Variants in DENND1B observed in about 807,000 individuals in gnomAD.
DENND1B encodes DENN domain-containing protein 1B.
In DENND1B, 59 loss-of-function variants were observed where a neutral mutation model predicts 90.1. The ratio of observed to expected loss-of-function variants is 0.65; its 90% CI spans 0.53 to 0.81. The LOEUF (loss-of-function observed/expected upper bound fraction) is 0.81, where lower values mean the gene tolerates loss of function less well. Among genes scored for constraint, DENND1B ranks in the 40% least tolerant of loss-of-function variants. DENND1B has a pLI of 0.00. For missense variants in DENND1B, 862 were observed against 912.6 expected (o/e 0.94, Z 0.71); for synonymous variants, 337 against 324.6 (o/e 1.04, Z -0.41).
At chr1:197,665,379 T>TA (rs1038792161) in intron 5 of DENND1B, among the ~76,000 whole-genome samples, 77 of 152,308 alleles carry the variant, frequency 5.1e-4, no homozygotes, top group African/African-American at 1.6e-3. Flanking sequence ...AAAGCAGCTT[T>TA]AAAGCATTAT....
intron 10 of DENND1B, among the ~76,000 whole-genome samples, chr1:197,624,645 C>A (rs1454647560): frequency 6.6e-6 from 1 of 151,872 alleles, no homozygotes; most frequent in Admixed American, 6.6e-5. Flanking sequence ...TCCTCACCAG[C>A]AACGGAACAA....
intron 3 of DENND1B, among the ~76,000 whole-genome samples, chr1:197,707,760 G>A (rs975476716): frequency 6.7e-6 from 1 of 148,894 alleles, no homozygotes; most frequent in South Asian, 2.1e-4. Context: ...CCGGTCTACA[G>A]CTCCCAGCGT....
chr1:197,656,812 A>T (rs1435130105), intron 6 of DENND1B, among the ~76,000 whole-genome samples: 1 of 151,994 alleles, frequency 6.6e-6, no homozygotes, highest in East Asian at 1.9e-4. Flanking sequence ...TCCAAAAAAA[A>T]TTTAAAAAAA....
intron 20 of DENND1B, among the ~76,000 whole-genome samples, chr1:197,535,445 T>C (rs1310304548): frequency 1.3e-5 from 2 of 152,166 alleles, no homozygotes; most frequent in Non-Finnish European, 2.9e-5. Flanking sequence ...GTTTCATTTA[T>C]AAATGAAGCA....
intron 15 of DENND1B, among the ~76,000 whole-genome samples, chr1:197,568,165 C>G (rs1168080745): frequency 1.3e-5 from 2 of 151,854 alleles, no homozygotes; most frequent in Non-Finnish European, 2.9e-5. Flanking sequence ...AGTAATGTAG[C>G]AAGATACACA....
chr1:197,766,997 T>C (rs896324317), intron 2 of DENND1B, among the ~76,000 whole-genome samples: 1 of 152,018 alleles, frequency 6.6e-6, no homozygotes, highest in African/African-American at 2.4e-5. Flanking sequence ...ATTCACTATG[T>C]TGGCCAGGCT....
rs76616053 is a variant in DENND1B at position 197,592,359 on chromosome 1, A to G, written c.1047+2849T>C. Among the ~76,000 whole-genome samples, 1,248 of 152,266 alleles carry G rather than the reference A, an allele frequency of 8.2e-3. 17 individuals are homozygous for G. Among genetic ancestry groups the G allele is most frequent in the African/African-American group, 0.028 (1,157 of 41,556 alleles). ...GAACACTTATCTAAAGGGCCTATCA[A>G]TGCCTGGCATCCAATGGGTGCTCAA... is the stretch of plus-strand genomic sequence containing the variant. On this transcript the variant is annotated intron_variant, in intron 14 of 22. Transcript: ENST00000620048.
At chr1:197,626,818 T>C (rs1678788532) in intron 10 of DENND1B, among the ~76,000 whole-genome samples, 1 of 151,524 alleles carries the variant, frequency 6.6e-6, no homozygotes, top group Non-Finnish European at 1.5e-5. Context: ...AAGAATCAAA[T>C]AGATGGAAAA....
chr1:197,538,150 T>C (rs960792782), intron 20 of DENND1B, among the ~76,000 whole-genome samples: 2 of 152,290 alleles, frequency 1.3e-5, no homozygotes, highest in South Asian at 2.1e-4. Flanking sequence ...TAAAGTATCC[T>C]ATAGGTAACA....
intron 2 of DENND1B, among the ~76,000 whole-genome samples, chr1:197,728,106 T>C (rs1661818619): frequency 6.6e-6 from 1 of 152,310 alleles, no homozygotes; most frequent in South Asian, 2.1e-4. Flanking sequence ...ACCCTTTCTG[T>C]TCATTAGATT....
chr1:197,738,146 C>T (rs1662887601), intron 2 of DENND1B, among the ~76,000 whole-genome samples: 1 of 152,176 alleles, frequency 6.6e-6, no homozygotes, highest in African/African-American at 2.4e-5. Flanking sequence ...TATGAATTAG[C>T]ATGCATGAGT....
intron 3 of DENND1B, among the ~76,000 whole-genome samples, chr1:197,696,814 G>A (rs1658475335): frequency 6.6e-6 from 1 of 150,872 alleles, no homozygotes; most frequent in Non-Finnish European, 1.5e-5. Flanking sequence ...TCTACTAGAT[G>A]TGGAGATTGA....
chr1:197,735,046 G>A (rs2102335552), intron 2 of DENND1B: 1 of 984,384 alleles, frequency 1.0e-6, no homozygotes. Context: ...AGAAAAAGCG[G>A]ACAAAATTTT....
intron 8 of DENND1B, 117 bp downstream of exon 8, chr1:197,646,936 TAA>T: frequency 1.5e-6 from 1 of 672,374 alleles, no homozygotes; most frequent in Non-Finnish European, 2.4e-6. Flanking sequence ...TTAATTTTCT[TAA>T]GAGTCAAATT....
At chr1:197,663,855 C>T (rs1164547921) in intron 5 of DENND1B, among the ~76,000 whole-genome samples, 1 of 151,966 alleles carries the variant, frequency 6.6e-6, no homozygotes, top group Non-Finnish European at 1.5e-5. Context: ...GAAATCCTAC[C>T]GACTACTCAC....
At chr1:197,692,178 A>T (rs920013389) in intron 3 of DENND1B, among the ~76,000 whole-genome samples, 2 of 151,716 alleles carry the variant, frequency 1.3e-5, no homozygotes, top group Non-Finnish European at 2.9e-5. Context: ...TTTCTCTTTA[A>T]GCTTTCTCTA....
chr1:197,557,065 T>A (rs923509410), intron 15 of DENND1B, among the ~76,000 whole-genome samples: 6 of 151,994 alleles, frequency 3.9e-5, no homozygotes, highest in Non-Finnish European at 7.4e-5. Flanking sequence ...TTTCATTCTA[T>A]CTTGAGGTCA....
chr1:197,715,116 A>G, intron 2 of DENND1B, 42 bp from the exon 3 acceptor site: 2 of 1,545,140 alleles, frequency 1.3e-6, no homozygotes, highest in South Asian at 1.2e-5. Flanking sequence ...CAGCAAAAGA[A>G]CACATTTAAA....
intron 2 of DENND1B, among the ~76,000 whole-genome samples, chr1:197,726,682 C>A (rs1661667113): frequency 6.6e-6 from 1 of 151,970 alleles, no homozygotes; most frequent in Non-Finnish European, 1.5e-5. Flanking sequence ...TATGAGATAC[C>A]CCTGGAGGGC....
Sources: gnomAD v4.1 joint callset for allele counts (sites outside exome capture counted in the v4.1 genomes callset) on GRCh38, gnomAD v4.1.1 for gene constraint, MANE v1.5 for transcripts, NCBI Gene and HGNC (gene_info 2026-07-23, HGNC 2026-07-21) for gene names.